SDK2: variants seen among roughly 807,000 people sequenced by gnomAD.
SDK2 encodes the protein protein sidekick-2.
In SDK2, 105 loss-of-function variants were observed where a neutral mutation model predicts 253.9. The ratio of observed to expected loss-of-function variants is 0.41; its 90% CI spans 0.35 to 0.49. The LOEUF is 0.49. SDK2 is among the 20% of genes least tolerant of loss of function. The probability of loss-of-function intolerance (pLI) is 0.06; values close to 1 mark genes in which losing one functional copy is unlikely to be tolerated. For synonymous variants in SDK2, 1,249 were observed against 1,234.9 expected, an observed-to-expected ratio of 1.01 and a Z score of -0.24; for missense variants, 2,608 against 3,003.0, an observed-to-expected ratio of 0.87 and a Z score of 3.07.
chr17:73,495,756 G>A (rs1244066612), intron 2 of SDK2, among the ~76,000 whole-genome samples: 1 of 152,026 alleles, frequency 6.6e-6, no homozygotes, highest in Non-Finnish European at 1.5e-5. Flanking sequence ...CTCAGGTCGG[G>A]AGAAGGACAG....
intron 2 of SDK2, among the ~76,000 whole-genome samples, chr17:73,490,531 T>TC (rs2063798517): frequency 6.6e-6 from 1 of 150,992 alleles, no homozygotes; most frequent in Admixed American, 6.6e-5. Context: ...GTGTTTTTTT[T>TC]TTTTTTTTTT....
Position 73,643,961 on chromosome 17 carries a change from G to GCCCCCCCACCCC in SDK2, c.64+63_64+64insGGGGTGGGGGGG. The GCCCCCCCACCCC allele has an allele frequency of 1.9e-6, 1 of 514,830 alleles. No individual in the cohort carries two copies. Among genetic ancestry groups the GCCCCCCCACCCC allele is most frequent in the Non-Finnish European group, 3.8e-6 (1 of 262,946 alleles). The allele number at this position is 514,830 out of a possible 1,614,324, so 31.9% of individuals were successfully genotyped here. ...GTCACCGTGAGGCCGGCCAGCTCCC[G>GCCCCCCCACCCC]CCGCCCCTCCCCCGCCCACTCTCCC... On this transcript the variant is annotated intron_variant, in intron 1 of 44. Transcript: ENST00000392650. This position sits in a 1 kb window ranked among gnomAD's most constrained non-coding sequence, Gnocchi z 6.9.
intron 32 of SDK2, among the ~76,000 whole-genome samples, chr17:73,385,238 G>A (rs779337779): frequency 3.7e-4 from 57 of 152,174 alleles, no homozygotes; most frequent in African/African-American, 1.3e-3. Context: ...AGGGCTCCGC[G>A]GGGCAGGACC....
In SDK2 at chr17:73,361,581, TC is replaced by T; in HGVS notation, c.5467+102del. On this transcript the variant is annotated intron_variant, in intron 39 of 44. Coordinates refer to ENST00000392650, the MANE Select transcript of SDK2 (RefSeq NM_001144952.2). This position sits in a 1 kb window ranked among gnomAD's most constrained non-coding sequence, Gnocchi z 4.1. ...GGAAAGAGTGAGCTCTGTCCTCCAC[TC>T]TGTTTCCAGGGTCCAGCACAGCTCT... 1.1e-6 allele frequency: 1 copy of T among 922,034 alleles called. No homozygotes were observed. The highest frequency in any genetic ancestry group is 1.6e-6 in the Non-Finnish European group (1 of 618,214). 57.1% of individuals were successfully genotyped at this position (922,034 alleles called of 1,614,324 possible). A position where few individuals can be genotyped will look rare whatever the true frequency, so the allele number is the denominator to read the frequency against.
chr17:73,368,605 G>A lies in SDK2; in HGVS notation c.4981-12C>T. ...TCCCAGAAATAAATCTGTGGGAACAGAAGGATGTGGGAGTGAGGGGGACAG... is the reference window on the plus strand; with the variant it reads ...TCCCAGAAATAAATCTGTGGGAACAAAAGGATGTGGGAGTGAGGGGGACAG... On this transcript the variant is annotated splice_polypyrimidine_tract_variant and intron_variant, in intron 36 of 44. Transcript: ENST00000392650. 6.4e-7 allele frequency: 1 copy of A among 1,553,198 alleles called. No individual in the cohort carries two copies. Among genetic ancestry groups the A allele is most frequent in the South Asian group, 1.2e-5 (1 of 81,750 alleles).
intron 1 of SDK2, among the ~76,000 whole-genome samples, chr17:73,559,770 C>A (rs946058142): frequency 6.6e-6 from 1 of 152,140 alleles, no homozygotes; most frequent in Non-Finnish European, 1.5e-5. Flanking sequence ...AGACAAGTGC[C>A]CCTAATGCCT....
chr17:73,579,604 A>G (rs2045504540), intron 1 of SDK2, among the ~76,000 whole-genome samples: 1 of 152,194 alleles, frequency 6.6e-6, no homozygotes, highest in South Asian at 2.1e-4. Context: ...GTTTGCAGAT[A>G]GGGTCTTTGC....
rs181280863 is a variant in SDK2 at position 73,479,184 on chromosome 17, G to C, written c.225-6966C>G. On this transcript the variant is annotated intron_variant, in intron 2 of 44. Transcript: ENST00000392650. ...GGGGGTCAGGGGACCATGTGTGCCTGCTGCCTGCAGGTGTCGCCCCAGATG... is the reference window on the plus strand; with the variant it reads ...GGGGGTCAGGGGACCATGTGTGCCTCCTGCCTGCAGGTGTCGCCCCAGATG... 1.9e-4 allele frequency among the ~76,000 whole-genome samples: 29 copies of C among 152,390 alleles called. No homozygotes were observed. In the South Asian group the frequency reaches 5.8e-3, roughly 30 times the overall value.
At chr17:73,527,714 T>A (rs1369397968) in intron 1 of SDK2, among the ~76,000 whole-genome samples, 1 of 152,186 alleles carries the variant, frequency 6.6e-6, no homozygotes, top group Non-Finnish European at 1.5e-5. Context: ...GAGGTAGGTG[T>A]GCCGGCTGAG....
intron 2 of SDK2, among the ~76,000 whole-genome samples, chr17:73,503,352 A>G (rs997412103): frequency 6.6e-6 from 1 of 152,214 alleles, no homozygotes; most frequent in Non-Finnish European, 1.5e-5. Context: ...TGTGTCGTGC[A>G]TGGTTCTGCG....
chr17:73,603,291 T>C (rs560520471), intron 1 of SDK2, among the ~76,000 whole-genome samples: 7 of 152,296 alleles, frequency 4.6e-5, no homozygotes, highest in African/African-American at 7.2e-5. Flanking sequence ...ATCCTGGAAG[T>C]GACCATTGCT....
chr17:73,351,298 C>CG (rs2062536274), intron 41 of SDK2, among the ~76,000 whole-genome samples: 1 of 152,088 alleles, frequency 6.6e-6, no homozygotes, highest in Admixed American at 6.6e-5. Flanking sequence ...TTAGTAGACA[C>CG]GGGGTTTCAC....
At chr17:73,474,734 G>C (rs1599601138) in intron 2 of SDK2, among the ~76,000 whole-genome samples, 1 of 152,298 alleles carries the variant, frequency 6.6e-6, no homozygotes, top group East Asian at 1.9e-4. Flanking sequence ...GGAGGCCACT[G>C]TGGGGGAACT....
At chr17:73,363,324 C>A (rs911414794) in intron 38 of SDK2, among the ~76,000 whole-genome samples, 1 of 152,214 alleles carries the variant, frequency 6.6e-6, no homozygotes, top group South Asian at 2.1e-4. Context: ...ACCGCCTCGG[C>A]CTCCCGAAGT....
rs953120357 is a variant in SDK2 at position 73,639,628 on chromosome 17, C to T, written c.64+4397G>A. On this transcript the variant is annotated intron_variant, in intron 1 of 44. Transcript: ENST00000392650. The surrounding 1 kb of genome is among the most constrained non-coding windows in gnomAD (Gnocchi z 4.3). The stretch of plus-strand genomic sequence containing the variant: ...CTGTGGCAACATGCTCCAGGGGGAG[C>T]GGGGTAGAAACCCCGCAGGGCGCAC... 6.6e-6 allele frequency among the ~76,000 whole-genome samples: 1 copy of T among 152,108 alleles called. No homozygotes were observed. Among genetic ancestry groups the T allele is most frequent in the Admixed American group, 6.5e-5 (1 of 15,282 alleles).
chr17:73,638,003 TG>T (rs2046353180), intron 1 of SDK2, among the ~76,000 whole-genome samples: 1 of 152,214 alleles, frequency 6.6e-6, no homozygotes, highest in South Asian at 2.1e-4. Context: ...ATTCCATGGA[TG>T]CATCTGCGGG....
chr17:73,514,540 A>G (rs1430295669), intron 1 of SDK2, among the ~76,000 whole-genome samples: 1 of 152,140 alleles, frequency 6.6e-6, no homozygotes, highest in Non-Finnish European at 1.5e-5. Context: ...CTGTGGAGCC[A>G]TTCTGCTGGG....
chr17:73,592,996 C>T lies in SDK2; in HGVS notation c.64+51029G>A, dbSNP rs542521501. Among the ~76,000 whole-genome samples the T allele has an allele frequency of 7.8e-5, 11 of 140,534 alleles. No individual in the cohort carries two copies. In the South Asian group the frequency reaches 2.4e-3, roughly 30 times the overall value. The allele number at this position is 140,534 out of a possible 152,430, so 92.2% of individuals were successfully genotyped here. A position where few individuals can be genotyped will look rare whatever the true frequency, so the allele number is the denominator to read the frequency against. On this transcript the variant is annotated intron_variant, in intron 1 of 44. Coordinates refer to ENST00000392650, the MANE Select transcript of SDK2 (RefSeq NM_001144952.2). Reference sequence around the variant, plus strand: ...AGGATCACCCCAGAGTGGTGTGGGACGTACACTTGGAGTTCAGCCGGTCCA... The same window carrying T: ...AGGATCACCCCAGAGTGGTGTGGGATGTACACTTGGAGTTCAGCCGGTCCA...
At chr17:73,480,448 G>A (rs1567797028) in intron 2 of SDK2, among the ~76,000 whole-genome samples, 1 of 152,212 alleles carries the variant, frequency 6.6e-6, no homozygotes. Flanking sequence ...CAGGAAGAAG[G>A]AGCTGGATGG....
Sources: gnomAD v4.1 joint callset for allele counts (sites outside exome capture counted in the v4.1 genomes callset) on GRCh38, gnomAD v4.1.1 for gene constraint, Gnocchi (gnomAD v3.1) non-coding constraint, MANE v1.5 for transcripts, NCBI Gene and HGNC (gene_info 2026-07-23, HGNC 2026-07-21) for gene names.